TMEM181: variants seen among roughly 807,000 people sequenced by gnomAD.
The protein encoded by TMEM181 is G protein-coupled receptor 178.
TMEM181 carries 39 observed loss-of-function variants against 71.9 expected under a neutral mutation model. The observed-to-expected ratio is 0.54, with a 90% CI of 0.42 to 0.71. The LOEUF (loss-of-function observed/expected upper bound fraction) is 0.71. TMEM181 is among the 30% of genes least tolerant of loss of function. TMEM181 has a pLI of 0.00. For missense variants in TMEM181, 595 were observed against 583.0 expected (o/e 1.02, Z -0.21); for synonymous variants, 245 against 228.8 (o/e 1.07, Z -0.64).
chr6:158,566,488 G>A (rs973090618), intron 1 of TMEM181, among the ~76,000 whole-genome samples: 2 of 149,494 alleles, frequency 1.3e-5, no homozygotes, highest in African/African-American at 2.5e-5. Context: ...GTGAGCTCCT[G>A]AGGGAGGTGA....
chr6:158,600,409 C>T (rs1331264919), intron 6 of TMEM181, among the ~76,000 whole-genome samples: 2 of 150,852 alleles, frequency 1.3e-5, no homozygotes, highest in East Asian at 1.9e-4. Flanking sequence ...ATCGGCCTCC[C>T]GAAGTGCTGG....
chr6:158,577,212 G>C (rs978963590), intron 2 of TMEM181, among the ~76,000 whole-genome samples: 1 of 152,166 alleles, frequency 6.6e-6, no homozygotes, highest in Admixed American at 6.5e-5. Context: ...TAAAGGTGCT[G>C]AGGCAACTAA....
In TMEM181 at chr6:158,608,472, G is replaced by A. The variant is rs1785087846; in HGVS notation, c.804+9G>A. 1 of 1,614,186 alleles carries A rather than the reference G, an allele frequency of 6.2e-7. No individual in the cohort carries two copies. The highest frequency in any genetic ancestry group is 8.5e-7 in the Non-Finnish European group (1 of 1,180,046). On this transcript the variant is annotated intron_variant, in intron 9 of 16. Transcript: ENST00000684151. ...ACGGGATTCGTGTCCAGGTGAGCCG[G>A]AGCCGCCCTCACTGCCGGGGGAGGT...
In TMEM181 at chr6:158,633,104, T is replaced by C. The variant is rs1001643139; in HGVS notation, c.*1216T>C. 3.3e-5 allele frequency: 5 copies of C among 152,274 alleles called. No individual in the cohort carries two copies. The highest frequency in any genetic ancestry group is 1.2e-4 in the African/African-American group (5 of 41,562). The allele number at this position is 152,274 out of a possible 1,614,324, so 9.4% of individuals were successfully genotyped here. On this transcript the variant is annotated 3_prime_UTR_variant, in exon 17 of 17. Coordinates refer to ENST00000684151, the MANE Select transcript of TMEM181 (RefSeq NM_001376852.1). ...AAAGCTACATGAAAGATTGATAGAA[T>C]ATTTTAGATTATTTATTGGCCAAAA...
intron 2 of TMEM181, among the ~76,000 whole-genome samples, chr6:158,575,113 A>G (rs1461915478): frequency 2.0e-5 from 3 of 152,244 alleles, no homozygotes; most frequent in African/African-American, 4.8e-5. Context: ...AATCTCATCC[A>G]GAAACGACCC....
intron 1 of TMEM181, among the ~76,000 whole-genome samples, chr6:158,561,557 T>A (rs1017066638): frequency 2.6e-5 from 4 of 152,148 alleles, no homozygotes; most frequent in African/African-American, 7.2e-5. Context: ...CTGGGTGTGC[T>A]TTTTCAGTAG....
chr6:158,569,256 G>C (rs1782673634), intron 1 of TMEM181, among the ~76,000 whole-genome samples: 1 of 152,228 alleles, frequency 6.6e-6, no homozygotes, highest in African/African-American at 2.4e-5. Context: ...AGCCCTGCAG[G>C]CTGCAGAGGG....
intron 6 of TMEM181, among the ~76,000 whole-genome samples, chr6:158,604,940 T>G (rs1159273464): frequency 6.6e-6 from 1 of 152,106 alleles, no homozygotes. Context: ...GTTAAAATTT[T>G]GGAACATGTA....
At chr6:158,607,194 AG>A (rs1785001220) in intron 7 of TMEM181, 49 bp from the exon 8 acceptor site, 1 of 1,470,604 alleles carries the variant, frequency 6.8e-7, no homozygotes, top group African/African-American at 1.4e-5. Context: ...CAAAGGCTGC[AG>A]GCAAGGTGTG....
chr6:158,556,145 C>T (rs1781877942), upstream of TMEM181, among the ~76,000 whole-genome samples: 1 of 152,124 alleles, frequency 6.6e-6, no homozygotes, highest in East Asian at 1.9e-4. Context: ...TTTATCATCC[C>T]AGTAGGGATG....
At chr6:158,558,053 G>T (rs1302258448), upstream of TMEM181, among the ~76,000 whole-genome samples, 1 of 152,224 alleles carries the variant, frequency 6.6e-6, no homozygotes, top group East Asian at 1.9e-4. Flanking sequence ...GGCTCATGCT[G>T]ACCTGGGTGA....
intron 5 of TMEM181, among the ~76,000 whole-genome samples, chr6:158,586,918 G>A (rs1231534922): frequency 1.3e-5 from 2 of 152,208 alleles, no homozygotes; most frequent in African/African-American, 4.8e-5. Context: ...AGTGAGGCCT[G>A]TGTGCGGGAG....
rs74922813 is a variant in TMEM181 at position 158,573,213 on chromosome 6, C to T, written c.9-207C>T. Reference sequence around the variant, plus strand: ...TGTCCACGGACCCTCTAACCCGGAACGTGCAGGAACGCGCAGCTCCTGAAT... The same window carrying T: ...TGTCCACGGACCCTCTAACCCGGAATGTGCAGGAACGCGCAGCTCCTGAAT... On this transcript the variant is annotated intron_variant, in intron 1 of 16. Transcript: ENST00000684151. Among the ~76,000 whole-genome samples, 165 of 152,276 alleles carry T rather than the reference C, an allele frequency of 1.1e-3. 1 individual carries two copies. The highest frequency in any genetic ancestry group is 7.5e-3 in the East Asian group (39 of 5,178).
At chr6:158,611,149 T>A in intron 10 of TMEM181, 1 of 529,834 alleles carries the variant, frequency 1.9e-6, no homozygotes, top group South Asian at 1.4e-5. Context: ...CTGTGACTAC[T>A]CTCCTGTCAC....
At chr6:158,536,942 C>G (rs1260889858) in intron 1 of TMEM181, 24 of 1,131,540 alleles carry the variant, frequency 2.1e-5, no homozygotes, top group East Asian at 1.1e-4. Context: ...CGGCGCGCCC[C>G]GGCCTTGGCC....
intron 1 of TMEM181, among the ~76,000 whole-genome samples, 191 bp downstream of exon 1, chr6:158,560,423 A>G (rs1364267964): frequency 6.6e-6 from 1 of 151,434 alleles, no homozygotes; most frequent in Non-Finnish European, 1.5e-5. Flanking sequence ...GCGAGAGTAG[A>G]CCGGGGCCGG....
In TMEM181 at chr6:158,580,946, A is replaced by G. The variant is rs750182861; in HGVS notation, c.119A>G (p.Lys40Arg). 6.2e-7 allele frequency: 1 copy of G among 1,607,988 alleles called. No individual in the cohort carries two copies. Among genetic ancestry groups the G allele is most frequent in the Non-Finnish European group, 8.5e-7 (1 of 1,174,902 alleles). Residue 40 changes from lysine to arginine, a missense_variant, in exon 3 of 17, where the codon AAA (lysine) becomes AGA (arginine). Physicochemically the swap from Lys to Arg is conservative, Grantham distance 26 (BLOSUM62 2). Coordinates refer to ENST00000684151, the MANE Select transcript of TMEM181 (RefSeq NM_001376852.1). ...CTTTTCTGTTACACTTTAGGACCTA[A>G]AGTGATCCAGACTTCTGCGGCTAAT... ...LTIFVGIRGP[K>R]VIQTSAANFS...
intron 6 of TMEM181, among the ~76,000 whole-genome samples, chr6:158,596,007 C>T (rs1166837292): frequency 1.3e-5 from 2 of 152,048 alleles, no homozygotes; most frequent in Non-Finnish European, 2.9e-5. Flanking sequence ...CTGCAAGCTC[C>T]GCCTCCTGGG....
chr6:158,622,808 T>C (rs1170021076), intron 10 of TMEM181, among the ~76,000 whole-genome samples: 4 of 151,798 alleles, frequency 2.6e-5, no homozygotes, highest in African/African-American at 4.9e-5. Flanking sequence ...ATTTCTCCTT[T>C]AGAGAGGGGA....
Sources: allele counts gnomAD v4.1 joint callset (sites outside exome capture counted in the v4.1 genomes callset), GRCh38; gene constraint gnomAD v4.1.1; transcripts MANE v1.5; gene names NCBI Gene and HGNC (gene_info 2026-07-23, HGNC 2026-07-21).